The following DARS2 variants were observed in gnomAD, a reference collection of about 807,000 sequenced individuals.
The protein encoded by DARS2 is aspartyl-tRNA synthetase 2, mitochondrial.
In DARS2, 63 loss-of-function variants were observed where a neutral mutation model predicts 83.0. That is an observed-to-expected ratio of 0.76 (90% CI 0.62 to 0.94). The LOEUF (loss-of-function observed/expected upper bound fraction) is 0.94. Ranked by LOEUF, DARS2 falls within the 40% of genes least tolerant of loss-of-function variation. The pLI is 0.00. For missense variants in DARS2, 675 were observed against 774.4 expected (o/e 0.87, Z 1.52); for synonymous variants, 250 against 269.3 (o/e 0.93, Z 0.70).
chr1:173,837,261 G>A (rs1557857512), intron 8 of DARS2, among the ~76,000 whole-genome samples: 1 of 147,462 alleles, frequency 6.8e-6, no homozygotes, highest in Non-Finnish European at 1.5e-5. Flanking sequence ...TAGTAGATGT[G>A]AGAGGGGATT....
intron 12 of DARS2, among the ~76,000 whole-genome samples, chr1:173,846,621 C>T (rs767328542): frequency 2.6e-5 from 4 of 151,056 alleles, no homozygotes; most frequent in Non-Finnish European, 1.5e-5. Flanking sequence ...AGTGAGACCT[C>T]GTCTCTACAA....
At chr1:173,850,959 C>T (rs573636071) in intron 13 of DARS2, among the ~76,000 whole-genome samples, 1 of 151,736 alleles carries the variant, frequency 6.6e-6, no homozygotes, top group East Asian at 2.0e-4. Flanking sequence ...AAGGGTTGGC[C>T]GGGCATGGTG....
At position 173,825,181 on chromosome 1, in the gene DARS2, C is replaced by T. The variant is rs1383328266; in HGVS notation, c.-49C>T. On this transcript the variant is annotated 5_prime_UTR_variant, in exon 1 of 17. Coordinates refer to ENST00000649689, the MANE Select transcript of DARS2 (RefSeq NM_018122.5). ...ATTTCCAAAACTGACTTTTAACTAC[C>T]GGCAGCGTGGGATTTCGTGATTGTT... 6.2e-7 allele frequency: 1 copy of T among 1,600,018 alleles called. No individual in the cohort carries two copies. Among genetic ancestry groups the T allele is most frequent in the African/African-American group, 1.3e-5 (1 of 74,300 alleles).
At chr1:173,827,322 A>G (rs1318453176) in intron 2 of DARS2, among the ~76,000 whole-genome samples, 1 of 152,164 alleles carries the variant, frequency 6.6e-6, no homozygotes, top group Non-Finnish European at 1.5e-5. Context: ...CAAAATACAT[A>G]GGTTATATGA....
intron 7 of DARS2, among the ~76,000 whole-genome samples, chr1:173,835,326 G>C (rs1464216066): frequency 6.7e-6 from 1 of 149,938 alleles, no homozygotes; most frequent in Non-Finnish European, 1.5e-5. Context: ...CCTGACCTCA[G>C]GTGATCCACC....
chr1:173,833,342 A>G (rs1487028377), intron 5 of DARS2, 34 bp from the exon 6 acceptor site: 19 of 1,509,228 alleles, frequency 1.3e-5, no homozygotes, highest in Non-Finnish European at 1.6e-5. Context: ...ATATTGAAAA[A>G]TATTTAAATA....
chr1:173,836,738 C>A (rs1653019425), intron 7 of DARS2, among the ~76,000 whole-genome samples: 1 of 152,044 alleles, frequency 6.6e-6, no homozygotes, highest in South Asian at 2.1e-4. Context: ...CTACCGTATA[C>A]AATGGTGTTT....
At chr1:173,854,583 G>T (rs1258378955) in intron 15 of DARS2, among the ~76,000 whole-genome samples, 1 of 152,122 alleles carries the variant, frequency 6.6e-6, no homozygotes, top group African/African-American at 2.4e-5. Flanking sequence ...CAAAGTGACA[G>T]TACAAAAGTA....
Position 173,857,668 on chromosome 1 carries a change from C to G in DARS2, c.1901C>G (p.Ser634Cys). The change falls in exon 17 of 17, where the codon TCC becomes TGC. Residue 634 changes from serine to cysteine, a missense_variant. Transcript: ENST00000649689. ...CTGAAGCCCTATCATATCCGAGTCT[C>G]CAAGCCAACAGACTCCAAAGCAGAA... ...EELKPYHIRV[S>C]KPTDSKAERA... 6.2e-7 allele frequency: 1 copy of G among 1,614,130 alleles called. No individual in the cohort carries two copies. The highest frequency in any genetic ancestry group is 8.5e-7 in the Non-Finnish European group (1 of 1,180,012).
At chr1:173,834,373 T>C in intron 6 of DARS2, 100 bp from the exon 7 acceptor site, 1 of 923,116 alleles carries the variant, frequency 1.1e-6, no homozygotes, top group Non-Finnish European at 1.8e-6. Context: ...AAATTCTTAA[T>C]TAAAGGGAAG....
Position 173,825,229 on chromosome 1 carries a change from C to A in DARS2, c.-1C>A, listed in dbSNP as rs1652435209. 6.2e-7 allele frequency: 1 copy of A among 1,611,978 alleles called. No homozygotes were observed. Among genetic ancestry groups the A allele is most frequent in the Non-Finnish European group, 8.5e-7 (1 of 1,178,692 alleles). ...GTTTTTCGCCATCGTGTGGCTCCAA[C>A]ATGTACTTCCCTTCTTGGTTAAGTC... On this transcript the variant is annotated 5_prime_UTR_variant, in exon 1 of 17. Coordinates refer to ENST00000649689, the MANE Select transcript of DARS2 (RefSeq NM_018122.5).
chr1:173,828,372 T>A lies in DARS2; in HGVS notation c.267T>A (p.Leu89=). The A allele has an allele frequency of 6.4e-7, 1 of 1,559,264 alleles. No individual in the cohort carries two copies. Among genetic ancestry groups the A allele is most frequent in the Non-Finnish European group, 8.7e-7 (1 of 1,145,612 alleles). The part of the protein sequence containing the change: ...TFLVLRDFDG[L]VQVIIPQDES... ...TGGTCCTAAGAGATTTCGATGGGCT[T>A]GTTCAAGTTATCATTCCCCAGGATG... Residue 89 remains leucine, a synonymous_variant, in exon 3 of 17, where the codon CTT becomes CTA. Transcript: ENST00000649689.
intron 15 of DARS2, 104 bp from the exon 16 acceptor site, chr1:173,856,562 G>A (rs944913347): frequency 4.9e-6 from 5 of 1,011,848 alleles, no homozygotes; most frequent in Middle Eastern, 2.3e-4. Context: ...AGTTTTAGCT[G>A]TTTTAAAACT....
chr1:173,857,357 TCAAA>T (rs1008375476), intron 16 of DARS2, among the ~76,000 whole-genome samples, 157 bp from the exon 17 acceptor site: 3 of 152,164 alleles, frequency 2.0e-5, no homozygotes, highest in Non-Finnish European at 4.4e-5. Context: ...AAAGAACCTC[TCAAA>T]CAAACAAAAG....
At chr1:173,840,404 A>G (rs1251038706) in intron 10 of DARS2, among the ~76,000 whole-genome samples, 1 of 152,076 alleles carries the variant, frequency 6.6e-6, no homozygotes, top group Non-Finnish European at 1.5e-5. Flanking sequence ...ACACCGGCTA[A>G]TTTTTGTATT....
At chr1:173,830,358 CA>C (rs1652749235) in intron 3 of DARS2, among the ~76,000 whole-genome samples, 2 of 152,138 alleles carry the variant, frequency 1.3e-5, no homozygotes, top group South Asian at 4.1e-4. Flanking sequence ...ACCCTGGAGA[CA>C]ATTGCTTTTC....
chr1:173,832,785 AAGAG>A lies in DARS2; in HGVS notation c.493-585_493-582del, dbSNP rs1242482723. Reference sequence around the variant, plus strand: ...CTCCATCTCAAAAAAAAAAAAAAAAAAGAGAGAGAAAATAAGCAAACTATTTCTA... The same window carrying A: ...CTCCATCTCAAAAAAAAAAAAAAAAAAGAGAAAATAAGCAAACTATTTCTA... On this transcript the variant is annotated intron_variant, in intron 5 of 16. Transcript: ENST00000649689. Among the ~76,000 whole-genome samples, 933 of 150,942 alleles carry A rather than the reference AAGAG, an allele frequency of 6.2e-3. 6 individuals are homozygous for A. The highest frequency in any genetic ancestry group is 9.6e-3 in the Non-Finnish European group (650 of 67,818).
chr1:173,850,873 A>G (rs1402899434), intron 13 of DARS2, among the ~76,000 whole-genome samples: 1 of 151,850 alleles, frequency 6.6e-6, no homozygotes, highest in Admixed American at 6.6e-5. Context: ...CTGAAGTGCT[A>G]GGATTACAGG....
At chr1:173,834,566 A>G (rs1383106220) in intron 7 of DARS2, 47 bp downstream of exon 7, 1 of 1,448,094 alleles carries the variant, frequency 6.9e-7, no homozygotes, top group Non-Finnish European at 9.7e-7. Context: ...CCTATTAGTT[A>G]TAAAGCTAGA....
Sources: allele counts gnomAD v4.1 joint callset (sites outside exome capture counted in the v4.1 genomes callset), GRCh38; gene constraint gnomAD v4.1.1; transcripts MANE v1.5; gene names NCBI Gene and HGNC (gene_info 2026-07-23, HGNC 2026-07-21).